NEGR1: variants seen among roughly 807,000 people sequenced by gnomAD.
The protein encoded by NEGR1 is neuronal growth regulator 1.
Under a neutral mutation model 40.9 loss-of-function variants are expected in NEGR1, and 10 were observed. The ratio of observed to expected loss-of-function variants is 0.24; its 90% CI spans 0.15 to 0.42. The LOEUF (loss-of-function observed/expected upper bound fraction) is 0.42, where lower values mean the gene tolerates loss of function less well. Among genes scored for constraint, NEGR1 ranks in the 10% least tolerant of loss-of-function variants. NEGR1 has a pLI of 1.00. For missense variants in NEGR1, 352 were observed against 438.9 expected (o/e 0.80, Z 1.77); for synonymous variants, 185 against 166.8 (o/e 1.11, Z -0.84).
At chr1:72,188,186 C>A (rs1234746201) in intron 1 of NEGR1, among the ~76,000 whole-genome samples, 1 of 151,362 alleles carries the variant, frequency 6.6e-6, no homozygotes, top group Admixed American at 6.6e-5. Context: ...TTGAAAATAT[C>A]ATAATTAAAT....
chr1:71,419,958 C>G (rs1178807975), intron 6 of NEGR1, among the ~76,000 whole-genome samples: 1 of 150,264 alleles, frequency 6.7e-6, no homozygotes, highest in Admixed American at 6.6e-5. Context: ...CAGTACTGAA[C>G]TCAGACACTA....
intron 1 of NEGR1, among the ~76,000 whole-genome samples, chr1:72,002,195 T>G (rs923395951): frequency 5.9e-5 from 9 of 152,132 alleles, no homozygotes; most frequent in Admixed American, 5.9e-4. Context: ...TTCCTGCCTT[T>G]ACATTGTGTT....
At chr1:72,241,377 A>G (rs979947537) in intron 1 of NEGR1, among the ~76,000 whole-genome samples, 2 of 131,078 alleles carry the variant, frequency 1.5e-5, no homozygotes, top group Admixed American at 1.5e-4. Flanking sequence ...AGTTGCTAAC[A>G]TGGTTTTAAT....
chr1:71,939,668 A>G (rs2100242024), intron 1 of NEGR1, among the ~76,000 whole-genome samples: 1 of 152,296 alleles, frequency 6.6e-6, no homozygotes, highest in East Asian at 1.9e-4. Flanking sequence ...GTGATCAGAA[A>G]AAAAGGCAAG....
intron 1 of NEGR1, among the ~76,000 whole-genome samples, chr1:71,946,977 A>T (rs1239167466): frequency 6.6e-6 from 1 of 150,814 alleles, no homozygotes; most frequent in Non-Finnish European, 1.5e-5. Context: ...GCTACTTAGG[A>T]GGTTGAGATG....
chr1:72,191,596 T>C (rs1652822398), intron 1 of NEGR1, among the ~76,000 whole-genome samples: 1 of 151,888 alleles, frequency 6.6e-6, no homozygotes, highest in African/African-American at 2.4e-5. Context: ...AATAACTCCC[T>C]GATAGAGACT....
intron 3 of NEGR1, among the ~76,000 whole-genome samples, chr1:71,756,120 C>T (rs1414006301): frequency 6.6e-6 from 1 of 152,058 alleles, no homozygotes; most frequent in East Asian, 1.9e-4. Flanking sequence ...CTCCAGGCAG[C>T]AGAATCTAGT....
At chr1:71,475,355 A>G (rs1646812734) in intron 6 of NEGR1, among the ~76,000 whole-genome samples, 1 of 152,066 alleles carries the variant, frequency 6.6e-6, no homozygotes, top group Non-Finnish European at 1.5e-5. Flanking sequence ...TTAAAAGGAT[A>G]TTTGCAAAAT....
At chr1:71,505,099 G>A (rs1431767319) in intron 6 of NEGR1, among the ~76,000 whole-genome samples, 1 of 152,134 alleles carries the variant, frequency 6.6e-6, no homozygotes, top group Non-Finnish European at 1.5e-5. Flanking sequence ...GTCTCCAACC[G>A]TTAATAAAGG....
intron 1 of NEGR1, among the ~76,000 whole-genome samples, chr1:72,016,008 T>A (rs1646706609): frequency 6.6e-6 from 1 of 152,188 alleles, no homozygotes; most frequent in Non-Finnish European, 1.5e-5. Flanking sequence ...GTGACTTCTA[T>A]TTTAAGTTAA....
intron 1 of NEGR1, among the ~76,000 whole-genome samples, chr1:72,118,161 A>C (rs2100284247): frequency 6.6e-6 from 1 of 151,922 alleles, no homozygotes; most frequent in East Asian, 1.9e-4. Context: ...GCATAATAAT[A>C]TGTGGACTTG....
At chr1:72,120,506 TTTTC>T (rs934983327) in intron 1 of NEGR1, among the ~76,000 whole-genome samples, 5 of 140,692 alleles carry the variant, frequency 3.6e-5, no homozygotes, top group South Asian at 2.3e-4. Flanking sequence ...ACTTCTTTTT[TTTTC>T]TTTCTTTTTT....
At chr1:71,515,004 C>T (rs1304788133) in intron 6 of NEGR1, among the ~76,000 whole-genome samples, 2 of 75,962 alleles carry the variant, frequency 2.6e-5, no homozygotes, top group Non-Finnish European at 4.7e-5. Context: ...TGAAATGAAG[C>T]GAGAAGGGAA....
chr1:72,164,219 G>A (rs757849835), intron 1 of NEGR1, among the ~76,000 whole-genome samples: 9 of 151,970 alleles, frequency 5.9e-5, no homozygotes, highest in Admixed American at 2.0e-4. Flanking sequence ...TTTAACGACC[G>A]TTGAAAAGGC....
intron 1 of NEGR1, among the ~76,000 whole-genome samples, chr1:72,199,285 G>A (rs1653117027): frequency 6.6e-6 from 1 of 151,822 alleles, no homozygotes; most frequent in Non-Finnish European, 1.5e-5. Flanking sequence ...CATGCACATT[G>A]CTGTGCCAGG....
At chr1:72,114,363 AT>A (rs1649500510) in intron 1 of NEGR1, among the ~76,000 whole-genome samples, 1 of 151,658 alleles carries the variant, frequency 6.6e-6, no homozygotes, top group South Asian at 2.1e-4. Flanking sequence ...TTGGACTCAA[AT>A]TGCCTATCCT....
Position 72,066,351 on chromosome 1 carries a change from T to C in NEGR1, c.177-131040A>G, listed in dbSNP as rs116031898. On this transcript the variant is annotated intron_variant, in intron 1 of 6. Coordinates refer to ENST00000357731, the MANE Select transcript of NEGR1 (RefSeq NM_173808.3). Reference sequence around the variant, plus strand: ...TACACATTTTCTGAGAACATCATAATTGTGTAAAATAAAGTCTAAATATAC... The same window carrying C: ...TACACATTTTCTGAGAACATCATAACTGTGTAAAATAAAGTCTAAATATAC... 3.5e-3 allele frequency among the ~76,000 whole-genome samples: 526 copies of C among 152,252 alleles called. 3 individuals carry two copies. Among genetic ancestry groups the C allele is most frequent in the African/African-American group, 0.012 (503 of 41,556 alleles).
chr1:71,438,167 TA>T (rs1646521884), intron 6 of NEGR1, among the ~76,000 whole-genome samples: 1 of 152,212 alleles, frequency 6.6e-6, no homozygotes, highest in South Asian at 2.1e-4. Flanking sequence ...ATGTATTCTT[TA>T]TAAGCCCTTA....
At chr1:72,019,015 C>T (rs1444743339) in intron 1 of NEGR1, among the ~76,000 whole-genome samples, 1 of 152,210 alleles carries the variant, frequency 6.6e-6, no homozygotes, top group African/African-American at 2.4e-5. Flanking sequence ...GGGATGGTCA[C>T]ATTGGAAATC....
Sources: gnomAD v4.1 joint callset for allele counts (sites outside exome capture counted in the v4.1 genomes callset) on GRCh38, gnomAD v4.1.1 for gene constraint, MANE v1.5 for transcripts, NCBI Gene and HGNC (gene_info 2026-07-23, HGNC 2026-07-21) for gene names.